The following ADGB variants were observed in gnomAD, a reference collection of about 807,000 sequenced individuals.
The protein encoded by ADGB is androglobin.
A neutral mutation model predicts 210.5 loss-of-function variants in ADGB; 172 were observed. The ratio of observed to expected loss-of-function variants is 0.82; its 90% CI spans 0.72 to 0.93. The LOEUF (loss-of-function observed/expected upper bound fraction) is 0.93, where lower values mean the gene tolerates loss of function less well. Ranked by LOEUF, ADGB falls within the 40% of genes least tolerant of loss-of-function variation. The pLI is 0.00. For synonymous variants in ADGB, 658 were observed against 662.7 expected (o/e 0.99, Z 0.11); for missense variants, 2,025 against 1,964.8 (o/e 1.03, Z -0.58).
intron 12 of ADGB, 28 bp downstream of exon 12, chr6:146,692,943 T>C (rs1199880244): frequency 1.2e-5 from 15 of 1,258,378 alleles, no homozygotes; most frequent in Non-Finnish European, 1.7e-5. Flanking sequence ...TCCTCACAAA[T>C]GTGTCTTGTT....
chr6:146,600,976 G>C (rs1247930266), intron 1 of ADGB, among the ~76,000 whole-genome samples: 1 of 150,070 alleles, frequency 6.7e-6, no homozygotes, highest in African/African-American at 2.5e-5. Flanking sequence ...AAATAACTAA[G>C]TCACTGATGG....
intron 3 of ADGB, among the ~76,000 whole-genome samples, chr6:146,650,045 A>T (rs1397407274): frequency 6.6e-6 from 1 of 152,022 alleles, no homozygotes; most frequent in Admixed American, 6.6e-5. Context: ...AGCATCAAAA[A>T]CTCACTGCCC....
At chr6:146,673,998 T>C (rs565709570) in intron 8 of ADGB, among the ~76,000 whole-genome samples, 1 of 151,854 alleles carries the variant, frequency 6.6e-6, no homozygotes, top group South Asian at 2.1e-4. Context: ...GAATGAAGAG[T>C]AAGGACTGGC....
chr6:146,654,338 A>G, intron 4 of ADGB, 132 bp downstream of exon 4: 2 of 348,560 alleles, frequency 5.7e-6, no homozygotes, highest in South Asian at 1.2e-4. Flanking sequence ...ATATATATAT[A>G]ATACCAAAAA....
chr6:146,783,113 A>G (rs1777825428), intron 30 of ADGB, among the ~76,000 whole-genome samples: 1 of 152,156 alleles, frequency 6.6e-6, no homozygotes, highest in South Asian at 2.1e-4. Flanking sequence ...TGTGTCAGGA[A>G]CAGGAAAAAA....
At chr6:146,732,322 T>A (rs1260306476) in intron 20 of ADGB, among the ~76,000 whole-genome samples, 1 of 152,110 alleles carries the variant, frequency 6.6e-6, no homozygotes, top group Non-Finnish European at 1.5e-5. Flanking sequence ...CTAATGGAAG[T>A]CTAGTCCACT....
chr6:146,706,592 A>G (rs1776572366), intron 13 of ADGB, among the ~76,000 whole-genome samples: 1 of 152,052 alleles, frequency 6.6e-6, no homozygotes, highest in Non-Finnish European at 1.5e-5. Flanking sequence ...TGTTCTGTTC[A>G]GATTTTATAT....
intron 2 of ADGB, among the ~76,000 whole-genome samples, chr6:146,640,107 A>G (rs922371881): frequency 1.3e-5 from 2 of 151,966 alleles, no homozygotes. Flanking sequence ...AAATAAAAGC[A>G]GCTATCAGAA....
At chr6:146,667,429 G>A (rs1775951420) in intron 7 of ADGB, among the ~76,000 whole-genome samples, 1 of 151,960 alleles carries the variant, frequency 6.6e-6, no homozygotes, top group Non-Finnish European at 1.5e-5. Flanking sequence ...GGAGTGAGGG[G>A]CAGGATACCT....
intron 35 of ADGB, among the ~76,000 whole-genome samples, chr6:146,808,072 T>C (rs1376308383): frequency 1.4e-5 from 2 of 140,864 alleles, no homozygotes; most frequent in Non-Finnish European, 3.0e-5. Context: ...TAATCTCGGC[T>C]CTCTGCAACC....
At chr6:146,781,040 A>G (rs1777790511) in intron 29 of ADGB, among the ~76,000 whole-genome samples, 1 of 152,018 alleles carries the variant, frequency 6.6e-6, no homozygotes, top group South Asian at 2.1e-4. Flanking sequence ...TAAGAAATAA[A>G]TTGGAGGCCG....
intron 5 of ADGB, among the ~76,000 whole-genome samples, 190 bp downstream of exon 5, chr6:146,657,170 C>CA (rs1583577468): frequency 6.6e-6 from 1 of 151,818 alleles, no homozygotes; most frequent in African/African-American, 2.4e-5. Flanking sequence ...ACTAAAAAGA[C>CA]AAAAAATTAG....
chr6:146,725,019 G>A (rs924519376), intron 18 of ADGB: 11 of 152,142 alleles, frequency 7.2e-5, no homozygotes, highest in Non-Finnish European at 1.6e-4. Flanking sequence ...TCAATGAAAA[G>A]CTATGTCTCT....
chr6:146,724,411 G>A, intron 18 of ADGB, 84 bp downstream of exon 18: 6 of 1,315,828 alleles, frequency 4.6e-6, no homozygotes, highest in Middle Eastern at 1.9e-4. Context: ...AAACAATATG[G>A]ACTCTAAGAC....
chr6:146,691,427 T>TAAAA (rs1294761433), intron 11 of ADGB, 137 bp downstream of exon 11: 1 of 27,810 alleles, frequency 3.6e-5, no homozygotes, highest in African/African-American at 2.4e-4. Flanking sequence ...TATATATATA[T>TAAAA]ATATATATAT....
chr6:146,744,102 T>C (rs1055566252), intron 25 of ADGB, among the ~76,000 whole-genome samples: 1 of 152,188 alleles, frequency 6.6e-6, no homozygotes, highest in African/African-American at 2.4e-5. Flanking sequence ...ATGCTGCCTC[T>C]GAAAGTAATT....
At chr6:146,653,153 A>C (rs1202680308) in intron 3 of ADGB, among the ~76,000 whole-genome samples, 1 of 151,804 alleles carries the variant, frequency 6.6e-6, no homozygotes, top group Non-Finnish European at 1.5e-5. Flanking sequence ...ATGAGAATCT[A>C]ATGCCTGATG....
Position 146,691,682 on chromosome 6 carries a change from A to C in ADGB, c.1486+392A>C, listed in dbSNP as rs531745481. ...TTTTATGCCAAAATTTTATGTCTTT[A>C]AAGGATTAATTCTTCACATCTCAGA... On this transcript the variant is annotated intron_variant, in intron 11 of 35. Transcript: ENST00000397944. 4.7e-5 allele frequency among the ~76,000 whole-genome samples: 7 copies of C among 148,396 alleles called. No homozygotes were observed. In the East Asian group the frequency reaches 1.4e-3, roughly 29 times the overall value.
intron 2 of ADGB, among the ~76,000 whole-genome samples, chr6:146,640,167 G>A (rs948751206): frequency 2.0e-5 from 3 of 151,960 alleles, no homozygotes; most frequent in Non-Finnish European, 4.4e-5. Context: ...TAGAAGAGAT[G>A]GATAAATTCC....
Sources: allele counts gnomAD v4.1 joint callset (sites outside exome capture counted in the v4.1 genomes callset), GRCh38; gene constraint gnomAD v4.1.1; transcripts MANE v1.5; gene names NCBI Gene and HGNC (gene_info 2026-07-23, HGNC 2026-07-21).